The following KCNK13 variants were observed in gnomAD, a reference collection of about 807,000 sequenced individuals.
The protein encoded by KCNK13 is potassium two pore domain channel subfamily K member 13, also known as potassium channel subfamily K member 13.
Under a neutral mutation model 23.4 loss-of-function variants are expected in KCNK13, and 12 were observed. The ratio of observed to expected loss-of-function variants is 0.51; its 90% CI spans 0.33 to 0.83. KCNK13 has a LOEUF of 0.83. Among genes scored for constraint, KCNK13 ranks in the 40% least tolerant of loss-of-function variants. The pLI is 0.02. For missense variants in KCNK13, 463 were observed against 556.3 expected (o/e 0.83, Z 1.69); for synonymous variants, 231 against 229.5 (o/e 1.01, Z -0.06).
chr14:90,077,797 A>G (rs1324047932), intron 1 of KCNK13, among the ~76,000 whole-genome samples: 1 of 152,114 alleles, frequency 6.6e-6, no homozygotes, highest in Non-Finnish European at 1.5e-5. Context: ...CTCTCTTAAC[A>G]TGGATTTTCT....
At chr14:90,129,819 C>T (rs1415980536) in intron 1 of KCNK13, among the ~76,000 whole-genome samples, 1 of 151,704 alleles carries the variant, frequency 6.6e-6, no homozygotes, top group East Asian at 1.9e-4. Flanking sequence ...GTGTGTTTTT[C>T]CTTGGGCTTA....
intron 1 of KCNK13, among the ~76,000 whole-genome samples, chr14:90,154,452 C>T (rs1890171648): frequency 6.6e-6 from 1 of 152,136 alleles, no homozygotes; most frequent in Admixed American, 6.6e-5. Context: ...TGCTTCTCTA[C>T]CCACAATGCC....
At chr14:90,092,123 C>T (rs905164331) in intron 1 of KCNK13, among the ~76,000 whole-genome samples, 7 of 152,024 alleles carry the variant, frequency 4.6e-5, no homozygotes, top group Middle Eastern at 3.2e-3. Context: ...GGGGTTTCAC[C>T]ATGTTAGCCA....
At position 90,096,686 on chromosome 14, in the gene KCNK13, G is replaced by A. The variant is rs1038862868; in HGVS notation, c.334+34147G>A. On this transcript the variant is annotated intron_variant, in intron 1 of 1. Transcript: ENST00000282146. ...CAGGGGTAGTTCATGGAACTGCAGA[G>A]CAGGAAGCAAATTTGAGACTCACAA... 2.6e-5 allele frequency among the ~76,000 whole-genome samples: 4 copies of A among 152,342 alleles called. No homozygotes were observed. In the East Asian group the frequency reaches 7.7e-4, roughly 29 times the overall value.
At chr14:90,098,490 A>G (rs1889437137) in intron 1 of KCNK13, among the ~76,000 whole-genome samples, 2 of 152,246 alleles carry the variant, frequency 1.3e-5, no homozygotes, top group East Asian at 1.9e-4. Flanking sequence ...CACGCCTGTA[A>G]TCCCAGCACT....
At chr14:90,114,881 T>C (rs1458702945) in intron 1 of KCNK13, among the ~76,000 whole-genome samples, 1 of 152,194 alleles carries the variant, frequency 6.6e-6, no homozygotes, top group Non-Finnish European at 1.5e-5. Flanking sequence ...AGCCTCGCAG[T>C]GTGGGTTTCC....
intron 1 of KCNK13, among the ~76,000 whole-genome samples, chr14:90,115,942 C>G (rs565378129): frequency 3.0e-4 from 45 of 152,356 alleles, no homozygotes; most frequent in African/African-American, 1.1e-3. Context: ...AGGAGCAGCT[C>G]TTGCTCTGAT....
intron 1 of KCNK13, among the ~76,000 whole-genome samples, chr14:90,178,844 G>GA (rs998423689): frequency 9.7e-4 from 142 of 146,416 alleles, no homozygotes; most frequent in African/African-American, 2.9e-3. Context: ...AGTATTTCTA[G>GA]AAAAAAAAAA....
intron 1 of KCNK13, among the ~76,000 whole-genome samples, chr14:90,119,147 T>C (rs555459259): frequency 2.0e-5 from 3 of 152,088 alleles, no homozygotes; most frequent in African/African-American, 7.2e-5. Context: ...GAATCAGTAA[T>C]AAATAGCCTA....
intron 1 of KCNK13, among the ~76,000 whole-genome samples, chr14:90,103,568 A>G: frequency 6.6e-6 from 1 of 151,904 alleles, no homozygotes; most frequent in African/African-American, 2.4e-5. Context: ...GGAGACAGAC[A>G]GGTTTTCTTT....
intron 1 of KCNK13, among the ~76,000 whole-genome samples, chr14:90,171,112 A>G (rs976014424): frequency 1.3e-5 from 2 of 152,194 alleles, no homozygotes. Flanking sequence ...CACTTGCCTA[A>G]TCGTGTCACC....
chr14:90,115,451 C>G (rs1889665242), intron 1 of KCNK13, among the ~76,000 whole-genome samples: 1 of 152,198 alleles, frequency 6.6e-6, no homozygotes, highest in African/African-American at 2.4e-5. Context: ...CAAGCCTCAT[C>G]CTGGAGAGTT....
intron 1 of KCNK13, among the ~76,000 whole-genome samples, chr14:90,172,148 C>T (rs1745755108): frequency 6.6e-6 from 1 of 152,018 alleles, no homozygotes; most frequent in South Asian, 2.1e-4. Context: ...GGAACCCCGT[C>T]TCTACTAAAA....
At chr14:90,081,016 G>A (rs1228041060) in intron 1 of KCNK13, among the ~76,000 whole-genome samples, 1 of 152,252 alleles carries the variant, frequency 6.6e-6, no homozygotes, top group East Asian at 1.9e-4. Context: ...GGGAACCAAA[G>A]GATGAGAATC....
intron 1 of KCNK13, among the ~76,000 whole-genome samples, chr14:90,163,424 T>A (rs1356793196): frequency 6.6e-6 from 1 of 152,144 alleles, no homozygotes; most frequent in Non-Finnish European, 1.5e-5. Flanking sequence ...TGAGATATGG[T>A]TCAGGATTTA....
intron 1 of KCNK13, among the ~76,000 whole-genome samples, chr14:90,160,622 C>T (rs1333774552): frequency 6.6e-6 from 1 of 151,980 alleles, no homozygotes; most frequent in Non-Finnish European, 1.5e-5. Flanking sequence ...GCGGGTGGAT[C>T]ACCTGAGGTC....
At chr14:90,174,259 G>A (rs564392262) in intron 1 of KCNK13, among the ~76,000 whole-genome samples, 9 of 152,212 alleles carry the variant, frequency 5.9e-5, no homozygotes, top group East Asian at 1.9e-4. Flanking sequence ...GCAGTGAGCC[G>A]AGATTGTGCC....
chr14:90,087,154 A>ATATATATATATATAT (rs1282261147), intron 1 of KCNK13, among the ~76,000 whole-genome samples: 1 of 107,650 alleles, frequency 9.3e-6, no homozygotes, highest in African/African-American at 3.8e-5. Flanking sequence ...ATATATATAT[A>ATATATATATATATAT]TTTTTTTTTT....
At chr14:90,092,014 C>T (rs1013578986) in intron 1 of KCNK13, among the ~76,000 whole-genome samples, 1 of 151,646 alleles carries the variant, frequency 6.6e-6, no homozygotes, top group South Asian at 2.1e-4. Flanking sequence ...CTCTGCCTCC[C>T]AGGTTCACGC....
Sources: gnomAD v4.1 joint callset for allele counts (sites outside exome capture counted in the v4.1 genomes callset) on GRCh38, gnomAD v4.1.1 for gene constraint, MANE v1.5 for transcripts, NCBI Gene and HGNC (gene_info 2026-07-23, HGNC 2026-07-21) for gene names.